GRB14: variants seen among roughly 807,000 people sequenced by gnomAD.
GRB14 encodes the protein growth factor receptor bound protein 14.
A neutral mutation model predicts 69.1 loss-of-function variants in GRB14; 38 were observed. The ratio of observed to expected loss-of-function variants is 0.55; its 90% confidence interval spans 0.42 to 0.72. GRB14 has a LOEUF of 0.72. Among genes scored for constraint, GRB14 ranks in the 30% least tolerant of loss-of-function variants. The pLI, the probability that GRB14 is intolerant of heterozygous loss-of-function variation, is 0.00. For missense variants in GRB14, 666 were observed against 666.1 expected (o/e 1.00, Z 0.00); for synonymous variants, 247 against 241.3 (o/e 1.02, Z -0.22).
chr2:164,603,397 C>A (rs566221780), intron 2 of GRB14, among the ~76,000 whole-genome samples: 3 of 152,104 alleles, frequency 2.0e-5, no homozygotes, highest in Non-Finnish European at 2.9e-5. Context: ...GGTGCGGTGG[C>A]TCACACCAGT....
intron 2 of GRB14, chr2:164,573,893 T>G: frequency 6.2e-7 from 1 of 1,612,564 alleles, no homozygotes; most frequent in Non-Finnish European, 8.5e-7. Context: ...CAAGATTGAT[T>G]CTAAATTAGG....
In GRB14 at chr2:164,493,058, T is replaced by C; in HGVS notation, c.1601A>G (p.Tyr534Cys). Residue 534 changes from tyrosine to cysteine, a missense_variant, in exon 14 of 14, where the codon TAT (tyrosine) becomes TGT (cysteine). Coordinates refer to ENST00000263915, the MANE Select transcript of GRB14 (RefSeq NM_004490.3). The part of the protein sequence containing the change: ...KGVLPCKLKH[Y>C]CARIAL ...TGTCTAGAGAGCAATCCTAGCACAATAATGTTTCAACTTGCAAGGAAGAAC... is the reference window on the plus strand; with the variant it reads ...TGTCTAGAGAGCAATCCTAGCACAACAATGTTTCAACTTGCAAGGAAGAAC... 2 of 1,613,592 alleles carry C rather than the reference T, an allele frequency of 1.2e-6. No individual in the cohort carries two copies. The highest frequency in any genetic ancestry group is 4.5e-5 in the East Asian group (2 of 44,834).
intron 2 of GRB14, among the ~76,000 whole-genome samples, chr2:164,615,379 A>G (rs1347584866): frequency 6.6e-6 from 1 of 152,218 alleles, no homozygotes; most frequent in Non-Finnish European, 1.5e-5. Context: ...GAAGAAATAA[A>G]AAGAGGAATT....
chr2:164,552,601 A>G (rs1688571346), intron 2 of GRB14, among the ~76,000 whole-genome samples: 1 of 152,182 alleles, frequency 6.6e-6, no homozygotes, highest in Admixed American at 6.5e-5. Context: ...TGAGGCTGAT[A>G]CTAAGTCATA....
chr2:164,499,242 C>T lies in GRB14; in HGVS notation c.1105-1752G>A, dbSNP rs1041723894. Among the ~76,000 whole-genome samples, 81 of 152,054 alleles carry T rather than the reference C, an allele frequency of 5.3e-4. 4 individuals carry two copies. Among genetic ancestry groups the T allele is most frequent in the Non-Finnish European group, 4.4e-5 (3 of 67,996 alleles). On this transcript the variant is annotated intron_variant, in intron 9 of 13. Transcript: ENST00000263915. ...ATAATCAGCTGTCCTATTTTTCTCCCTCTAGTATAGCAGGCCAGGAAATAA... is the reference window on the plus strand; with the variant it reads ...ATAATCAGCTGTCCTATTTTTCTCCTTCTAGTATAGCAGGCCAGGAAATAA...
chr2:164,553,529 C>T (rs1282542668), intron 2 of GRB14, among the ~76,000 whole-genome samples: 1 of 152,138 alleles, frequency 6.6e-6, no homozygotes, highest in Non-Finnish European at 1.5e-5. Flanking sequence ...CTATGAATAA[C>T]GGAATTATAT....
At chr2:164,559,558 G>A (rs1034000204) in intron 2 of GRB14, among the ~76,000 whole-genome samples, 2 of 151,940 alleles carry the variant, frequency 1.3e-5, no homozygotes, top group African/African-American at 2.4e-5. Flanking sequence ...TTTTATTCCC[G>A]AGTCACTTCA....
chr2:164,545,502 T>G (rs1220068858), intron 3 of GRB14, among the ~76,000 whole-genome samples: 1 of 152,112 alleles, frequency 6.6e-6, no homozygotes, highest in Non-Finnish European at 1.5e-5. Context: ...AGCCAACAAA[T>G]GCTGGCAGCC....
intron 6 of GRB14, among the ~76,000 whole-genome samples, chr2:164,517,570 G>T (rs2105277716): frequency 6.6e-6 from 1 of 152,170 alleles, no homozygotes; most frequent in Admixed American, 6.5e-5. Flanking sequence ...GATACAGAAT[G>T]GAAGAATAAA....
rs1690456614 is a variant in GRB14 at position 164,621,287 on chromosome 2, C to T, written c.23G>A (p.Gly8Glu). The change falls in exon 1 of 14, where the codon GGG becomes GAG. Residue 8 changes from glycine to glutamate, a missense_variant. Coordinates refer to ENST00000263915, the MANE Select transcript of GRB14 (RefSeq NM_004490.3). This position sits in a 1 kb window ranked among gnomAD's most constrained non-coding sequence, Gnocchi z 6.0. ...AGCCGCCCTGCTCGCGGCGCTCTGC[C>T]CATCTTGCAGGGAAGTGGTCATTGT... is the stretch of plus-strand genomic sequence containing the variant. MTTSLQDGQSAASRAAAR... is the reference protein window; with the variant it reads MTTSLQDEQSAASRAAAR... 1 of 1,286,700 alleles carries T rather than the reference C, an allele frequency of 7.8e-7. No homozygotes were observed. Among genetic ancestry groups the T allele is most frequent in the African/African-American group, 1.5e-5 (1 of 66,196 alleles). The allele number at this position is 1,286,700 out of a possible 1,614,324, so 79.7% of individuals were successfully genotyped here.
At chr2:164,497,182 T>C (rs1411873772) in intron 11 of GRB14, 29 bp downstream of exon 11, 2 of 1,601,922 alleles carry the variant, frequency 1.2e-6, no homozygotes, top group Non-Finnish European at 1.7e-6. Flanking sequence ...ATCCGTCTAC[T>C]CAGTGGCAAT....
Position 164,547,433 on chromosome 2 carries a change from T to C in GRB14, c.481+227A>G, listed in dbSNP as rs145161340. Among the ~76,000 whole-genome samples, 958 of 152,114 alleles carry C rather than the reference T, an allele frequency of 6.3e-3. 3 individuals are homozygous for C. The highest frequency in any genetic ancestry group is 9.8e-3 in the Non-Finnish European group (669 of 68,004). On this transcript the variant is annotated intron_variant, in intron 3 of 13. Coordinates refer to ENST00000263915, the MANE Select transcript of GRB14 (RefSeq NM_004490.3). Reference sequence around the variant, plus strand: ...CTGAACTGAAAAATTCATTAGAGGCTCTCAACAGCAGAATGGATCAAGCAG... The same window carrying C: ...CTGAACTGAAAAATTCATTAGAGGCCCTCAACAGCAGAATGGATCAAGCAG...
chr2:164,537,444 T>C (rs959331334), intron 3 of GRB14, among the ~76,000 whole-genome samples: 2 of 152,276 alleles, frequency 1.3e-5, no homozygotes, highest in Non-Finnish European at 1.5e-5. Flanking sequence ...GGCAGTTCTC[T>C]AATGTATAAA....
intron 2 of GRB14, among the ~76,000 whole-genome samples, chr2:164,578,109 T>C (rs957745880): frequency 5.3e-5 from 8 of 152,072 alleles, no homozygotes; most frequent in Non-Finnish European, 1.2e-4. Flanking sequence ...GGTGTGCACC[T>C]GTAATTCCAG....
At chr2:164,620,683 A>G (rs1449267017) in intron 1 of GRB14, among the ~76,000 whole-genome samples, 3 of 152,236 alleles carry the variant, frequency 2.0e-5, no homozygotes, top group Non-Finnish European at 4.4e-5. Flanking sequence ...CCTGCCGAAC[A>G]GCAAGACTGC....
At chr2:164,592,566 A>G (rs114582233) in intron 2 of GRB14, among the ~76,000 whole-genome samples, 469 of 152,332 alleles carry the variant, frequency 3.1e-3, no homozygotes, top group Admixed American at 5.6e-3. Context: ...CTGGGATCCA[A>G]GTCTGTGGCC....
chr2:164,561,415 C>G (rs551941559), intron 2 of GRB14, among the ~76,000 whole-genome samples: 1 of 152,270 alleles, frequency 6.6e-6, no homozygotes, highest in Non-Finnish European at 1.5e-5. Flanking sequence ...TCCTGTTGAG[C>G]TCTAAGAAAC....
intron 2 of GRB14, among the ~76,000 whole-genome samples, chr2:164,565,419 T>G (rs1688945985): frequency 6.6e-6 from 1 of 152,156 alleles, no homozygotes; most frequent in African/African-American, 2.4e-5. Flanking sequence ...CAGACTTGAA[T>G]GGCAATTATA....
intron 8 of GRB14, among the ~76,000 whole-genome samples, chr2:164,506,351 CA>C (rs1394107107): frequency 3.3e-5 from 5 of 152,100 alleles, no homozygotes; most frequent in African/African-American, 1.2e-4. Flanking sequence ...TTCAGTTAAA[CA>C]AAAAGCTTCA....
Sources: gnomAD v4.1 joint callset for allele counts (sites outside exome capture counted in the v4.1 genomes callset) on GRCh38, gnomAD v4.1.1 for gene constraint, Gnocchi (gnomAD v3.1) non-coding constraint, MANE v1.5 for transcripts, NCBI Gene and HGNC (gene_info 2026-07-23, HGNC 2026-07-21) for gene names.